Variants in DNM3 observed in about 807,000 individuals in gnomAD.
DNM3 encodes dynamin 3, also known as dynamin-3.
A neutral mutation model predicts 101.6 loss-of-function variants in DNM3; 47 were observed. That is an observed-to-expected ratio of 0.46 (90% CI 0.37 to 0.59). The LOEUF (loss-of-function observed/expected upper bound fraction) is 0.59, where lower values mean the gene tolerates loss of function less well. DNM3 is among the 20% of genes least tolerant of loss of function. DNM3 has a pLI of 0.00. For synonymous variants in DNM3, 385 were observed against 387.9 expected (o/e 0.99, Z 0.09); for missense variants, 849 against 1,085.7 (o/e 0.78, Z 3.06).
In DNM3 at chr1:172,158,405, G is replaced by GA. The variant is rs533466535; in HGVS notation, c.1659+27123dup. On this transcript the variant is annotated intron_variant, in intron 14 of 20. Coordinates refer to ENST00000627582, the MANE Select transcript of DNM3 (RefSeq NM_015569.5). The stretch of plus-strand genomic sequence containing the variant: ...ACAGAGAGACCATGAAGAAGCATAT[G>GA]AAAAAAGGAGAACATTCCTGCTAGT... Among the ~76,000 whole-genome samples the GA allele has an allele frequency of 3.6e-3, 549 of 152,032 alleles. 8 individuals carry two copies. Among genetic ancestry groups the GA allele is most frequent in the African/African-American group, 0.013 (525 of 41,522 alleles).
chr1:171,946,728 CT>C, intron 2 of DNM3, among the ~76,000 whole-genome samples: 1 of 152,122 alleles, frequency 6.6e-6, no homozygotes, highest in East Asian at 1.9e-4. Flanking sequence ...TCAGCAACTG[CT>C]TCTGATGAGA....
chr1:172,046,814 A>G (rs2049849845), intron 9 of DNM3, among the ~76,000 whole-genome samples: 1 of 152,184 alleles, frequency 6.6e-6, no homozygotes, highest in African/African-American at 2.4e-5. Flanking sequence ...GGACATGTTT[A>G]TCTGATAAAT....
At chr1:172,034,090 A>G (rs1261993634) in intron 6 of DNM3, among the ~76,000 whole-genome samples, 2 of 152,182 alleles carry the variant, frequency 1.3e-5, no homozygotes, top group African/African-American at 4.8e-5. Context: ...TAGCTCCTGG[A>G]AAGTATCAAT....
At chr1:171,997,617 T>C (rs900261304) in intron 4 of DNM3, among the ~76,000 whole-genome samples, 11 of 152,310 alleles carry the variant, frequency 7.2e-5, no homozygotes, top group African/African-American at 2.6e-4. Flanking sequence ...CGTGCTCATA[T>C]ACACTAACAA....
At position 172,412,663 on chromosome 1, in the gene DNM3, G is replaced by A; in HGVS notation, c.*4822G>A. On this transcript the variant is annotated 3_prime_UTR_variant, in exon 21 of 21. Coordinates refer to ENST00000627582, the MANE Select transcript of DNM3 (RefSeq NM_015569.5). The stretch of plus-strand genomic sequence containing the variant: ...TTCTTGAAGGTCACATGTACCTATT[G>A]TGAAAATGTGAAGCTGTATTTCTGA... The A allele has an allele frequency of 1.0e-6, 1 of 985,624 alleles. No homozygotes were observed. The highest frequency in any genetic ancestry group is 1.2e-6 in the Non-Finnish European group (1 of 829,762). 61.1% of individuals were successfully genotyped at this position (985,624 alleles called of 1,614,324 possible). A position where few individuals can be genotyped will look rare whatever the true frequency, so the allele number is the denominator to read the frequency against.
chr1:172,376,018 A>C (rs1352185435), intron 17 of DNM3: 1 of 152,088 alleles, frequency 6.6e-6, no homozygotes, highest in Non-Finnish European at 1.5e-5. Context: ...AATAGTAGTT[A>C]TAAAAATATG....
At chr1:172,240,681 CTTAAA>C (rs2061716031) in intron 14 of DNM3, among the ~76,000 whole-genome samples, 1 of 152,138 alleles carries the variant, frequency 6.6e-6, no homozygotes, top group Admixed American at 6.6e-5. Flanking sequence ...TGTGGAGTGT[CTTAAA>C]TTTACTTTGT....
intron 8 of DNM3, 86 bp downstream of exon 8, chr1:172,042,230 G>A (rs2049439331): frequency 7.6e-7 from 1 of 1,316,314 alleles, no homozygotes; most frequent in African/African-American, 1.5e-5. Flanking sequence ...TGTGTGAGTG[G>A]TATAGAACTA....
intron 4 of DNM3, among the ~76,000 whole-genome samples, chr1:172,023,648 A>G (rs367553769): frequency 1.6e-4 from 25 of 151,816 alleles, no homozygotes; most frequent in African/African-American, 6.0e-4. Flanking sequence ...GTGTATGTGC[A>G]TGTGTGTGTG....
intron 2 of DNM3, among the ~76,000 whole-genome samples, chr1:171,945,040 A>T (rs542884767): frequency 2.2e-3 from 334 of 150,032 alleles, no homozygotes; most frequent in African/African-American, 6.5e-3. Context: ...ATTTTTTTTT[A>T]AAAATTATTA....
chr1:171,935,974 A>G (rs2041386261), intron 2 of DNM3, among the ~76,000 whole-genome samples: 1 of 151,578 alleles, frequency 6.6e-6, no homozygotes, highest in African/African-American at 2.4e-5. Flanking sequence ...TGCTAATTTA[A>G]GAAACAATCC....
chr1:172,026,486 A>G (rs2048211984), intron 4 of DNM3, among the ~76,000 whole-genome samples: 1 of 152,124 alleles, frequency 6.6e-6, no homozygotes, highest in South Asian at 2.1e-4. Context: ...GAGAAGAGCA[A>G]CCCCAAGACA....
chr1:172,010,651 G>A (rs1444031594), intron 4 of DNM3, among the ~76,000 whole-genome samples: 1 of 102,194 alleles, frequency 9.8e-6, no homozygotes, highest in Non-Finnish European at 1.9e-5. Flanking sequence ...ACTGGTGTCA[G>A]CAATTTAATT....
intron 17 of DNM3, among the ~76,000 whole-genome samples, chr1:172,345,302 CTG>C (rs1267687570): frequency 6.6e-6 from 1 of 152,166 alleles, no homozygotes; most frequent in Non-Finnish European, 1.5e-5. Context: ...ATTTTCTCAG[CTG>C]TGTCTTGCTT....
At chr1:172,068,759 C>T in intron 10 of DNM3, 60 bp from the exon 11 acceptor site, 1 of 1,370,630 alleles carries the variant, frequency 7.3e-7, no homozygotes, top group African/African-American at 1.4e-5. Flanking sequence ...TTTATCTCTG[C>T]TTCTTTTTTG....
At chr1:172,356,676 C>G (rs1204504698) in intron 17 of DNM3, among the ~76,000 whole-genome samples, 1 of 152,050 alleles carries the variant, frequency 6.6e-6, no homozygotes, top group Non-Finnish European at 1.5e-5. Context: ...GTTATGAAAA[C>G]TGTACCCCCA....
At chr1:172,062,453 G>A (rs992402661) in intron 10 of DNM3, among the ~76,000 whole-genome samples, 4 of 151,954 alleles carry the variant, frequency 2.6e-5, no homozygotes, top group Non-Finnish European at 5.9e-5. Context: ...TTATTCCTTA[G>A]CATTTCATAA....
At chr1:172,012,401 GATTGTAATTCA>G (rs2047189589) in intron 4 of DNM3, among the ~76,000 whole-genome samples, 3 of 152,048 alleles carry the variant, frequency 2.0e-5, no homozygotes, top group Non-Finnish European at 4.4e-5. Context: ...ACCTAAGGGA[GATTGTAATTCA>G]ATTGTAAGAA....
At chr1:172,168,023 A>G (rs1028106932) in intron 14 of DNM3, among the ~76,000 whole-genome samples, 6 of 152,038 alleles carry the variant, frequency 3.9e-5, no homozygotes, top group Non-Finnish European at 7.4e-5. Context: ...AAACATGAAC[A>G]TACCATCTCC....
Sources: gnomAD v4.1 joint callset for allele counts (sites outside exome capture counted in the v4.1 genomes callset) on GRCh38, gnomAD v4.1.1 for gene constraint, MANE v1.5 for transcripts, NCBI Gene and HGNC (gene_info 2026-07-23, HGNC 2026-07-21) for gene names.